Variants in SLC35F4 observed in about 807,000 individuals in gnomAD.
SLC35F4 encodes chromosome 14 open reading frame 36.
SLC35F4 carries 24 observed loss-of-function variants against 44.2 expected under a neutral mutation model. The observed-to-expected ratio is 0.54, with a 90% CI of 0.39 to 0.76. The LOEUF is 0.76. Among genes scored for constraint, SLC35F4 ranks in the 30% least tolerant of loss-of-function variants. SLC35F4 has a pLI of 0.00. For synonymous variants in SLC35F4, 238 were observed against 223.6 expected (o/e 1.06, Z -0.57); for missense variants, 562 against 586.1 (o/e 0.96, Z 0.42).
intron 1 of SLC35F4, among the ~76,000 whole-genome samples, chr14:57,701,863 C>T (rs2075550724): frequency 6.6e-6 from 1 of 152,130 alleles, no homozygotes; most frequent in African/African-American, 2.4e-5. Flanking sequence ...TGTACTTACC[C>T]ATTCTTCAGA....
chr14:57,901,436 C>T (rs1222678563), intron 1 of SLC35F4, among the ~76,000 whole-genome samples: 1 of 152,132 alleles, frequency 6.6e-6, no homozygotes, highest in Admixed American at 6.5e-5. Flanking sequence ...AACCAAACAC[C>T]ACATGTTCTC....
chr14:57,595,665 T>G (rs1566661692), intron 1 of SLC35F4: 1 of 152,246 alleles, frequency 6.6e-6, no homozygotes, highest in African/African-American at 2.4e-5. Context: ...AAACCTGCAT[T>G]GTTTATTATT....
rs528041799 is a variant in SLC35F4 at position 57,599,594 on chromosome 14, C to A, written c.104-5470G>T. 6.6e-5 allele frequency among the ~76,000 whole-genome samples: 10 copies of A among 152,096 alleles called. No individual in the cohort carries two copies. The South Asian group carries it at 2.1e-3, about 32-fold the overall frequency. On this transcript the variant is annotated intron_variant, in intron 1 of 7. Transcript: ENST00000556826. ...CGGTGGCTCACGACTGTAATCCCAG[C>A]ACTTTGGGAAGCTGAGGTAGGTGGA...
chr14:57,924,763 TCTTC>T (rs1253445773), intron 1 of SLC35F4, among the ~76,000 whole-genome samples: 48 of 151,712 alleles, frequency 3.2e-4, no homozygotes, highest in Non-Finnish European at 4.4e-4. Flanking sequence ...TTTCTTTCTT[TCTTC>T]CTTCCTTCCT....
chr14:57,922,518 G>A (rs1393020330), intron 1 of SLC35F4, among the ~76,000 whole-genome samples: 5 of 152,190 alleles, frequency 3.3e-5, no homozygotes, highest in Admixed American at 1.3e-4. Flanking sequence ...GGGCAAAGGA[G>A]GAGTCACACA....
In SLC35F4 at chr14:57,786,420, A is replaced by C. The variant is rs748185305; in HGVS notation, c.103+79303T>G. ...GTCCCTCTCCACACTACTACAGCTG[A>C]TGCTCTCTGGAAAGTGCCACCTCCT... On this transcript the variant is annotated intron_variant, in intron 1 of 7. Transcript: ENST00000556826. Among the ~76,000 whole-genome samples, 107 of 152,106 alleles carry C rather than the reference A, an allele frequency of 7.0e-4. 2 individuals are homozygous for C. Among genetic ancestry groups the C allele is most frequent in the Non-Finnish European group, 1.2e-3 (84 of 68,012 alleles).
intron 1 of SLC35F4, among the ~76,000 whole-genome samples, chr14:57,620,457 G>C (rs920146925): frequency 1.3e-5 from 2 of 152,118 alleles, no homozygotes; most frequent in African/African-American, 4.8e-5. Flanking sequence ...ATAAGCAAAA[G>C]AGAAATAAAA....
intron 1 of SLC35F4, among the ~76,000 whole-genome samples, chr14:57,624,239 G>C (rs1385015448): frequency 2.6e-5 from 4 of 152,118 alleles, no homozygotes; most frequent in Non-Finnish European, 5.9e-5. Flanking sequence ...ACCCTCTCAA[G>C]ACTAAACCAG....
chr14:57,880,059 AGG>A lies in SLC35F4; in HGVS notation n.282+101852_282+101853del, dbSNP rs1300531375. On this transcript the variant is annotated intron_variant and non_coding_transcript_variant, in intron 1 of 1. Transcript: ENST00000556568. ...GAGGAAGGAAGGAAGGAAGGAAGGA[AGG>A]AAGGAAGGAAGGAAGGAAGGAAGGA... Among the ~76,000 whole-genome samples, 10 of 93,662 alleles carry A rather than the reference AGG, an allele frequency of 1.1e-4. 1 individual carries two copies. Among genetic ancestry groups the A allele is most frequent in the African/African-American group, 4.1e-4 (10 of 24,492 alleles). 61.4% of individuals were successfully genotyped at this position (93,662 alleles called of 152,430 possible).
intron 1 of SLC35F4, among the ~76,000 whole-genome samples, chr14:57,919,691 C>A (rs1025623560): frequency 1.3e-5 from 2 of 152,098 alleles, no homozygotes; most frequent in African/African-American, 4.8e-5. Flanking sequence ...CAAGTAACTA[C>A]AACACCAAGC....
chr14:57,669,140 T>C (rs1430432316), intron 1 of SLC35F4, among the ~76,000 whole-genome samples: 1 of 152,074 alleles, frequency 6.6e-6, no homozygotes, highest in Admixed American at 6.5e-5. Context: ...TTGTCTGTTA[T>C]TGGTGTATAA....
chr14:57,793,210 C>A (rs2140815592), intron 1 of SLC35F4, among the ~76,000 whole-genome samples: 1 of 152,092 alleles, frequency 6.6e-6, no homozygotes, highest in Non-Finnish European at 1.5e-5. Flanking sequence ...AAAAATAACA[C>A]CTGCTCCACC....
At chr14:57,667,391 G>GGTTT (rs60348762) in intron 1 of SLC35F4, among the ~76,000 whole-genome samples, 2 of 150,744 alleles carry the variant, frequency 1.3e-5, no homozygotes, top group Non-Finnish European at 3.0e-5. Flanking sequence ...ACAACGTGCA[G>GGTTT]GTTACATATG....
intron 2 of SLC35F4, among the ~76,000 whole-genome samples, chr14:57,590,226 C>CAAAAAAAAAAAAAAAAAA (rs55850524): frequency 1.7e-5 from 2 of 119,178 alleles, no homozygotes; most frequent in Non-Finnish European, 3.4e-5. Flanking sequence ...CTTGTCTATG[C>CAAAAAAAAAAAAAAAAAA]AAAAAAAAAA....
chr14:57,583,071 T>G (rs986925184), intron 3 of SLC35F4, among the ~76,000 whole-genome samples: 7 of 152,226 alleles, frequency 4.6e-5, no homozygotes, highest in African/African-American at 1.7e-4. Flanking sequence ...GAAGGATTTT[T>G]GTAAAATGAA....
Position 57,917,113 on chromosome 14 carries a change from T to C in SLC35F4, n.282+64800A>G, listed in dbSNP as rs1889344712. On this transcript the variant is annotated intron_variant and non_coding_transcript_variant, in intron 1 of 1. Transcript: ENST00000556568. ...AGGCTCCCAGGCTCCCACGCTGGAGTGCAATGGTGCTCTCTCAGCTCACTG... is the reference window on the plus strand; with the variant it reads ...AGGCTCCCAGGCTCCCACGCTGGAGCGCAATGGTGCTCTCTCAGCTCACTG... Among the ~76,000 whole-genome samples the C allele has an allele frequency of 3.9e-5, 6 of 152,130 alleles. No homozygotes were observed. In the South Asian group the frequency reaches 1.2e-3, roughly 31 times the overall value.
Position 57,564,293 on chromosome 14 carries a change from T to G in SLC35F4, c.1300A>C (p.Met434Leu). ...TIIICIGFLL[M>L]LLPEEWDEIT... The stretch of plus-strand genomic sequence containing the variant: ...TCATCCCATTCCTCAGGCAACAGCA[T>G]CAGCAGAAACCCAATGCAGATGATG... The change falls in exon 8 of 8, where the codon ATG (methionine) becomes CTG (leucine). Residue 434 changes from methionine (M) to leucine (L), a missense_variant. By Grantham distance (15) the Met-to-Leu change is conservative (BLOSUM62 2). Coordinates refer to ENST00000556826, the MANE Select transcript of SLC35F4 (RefSeq NM_001306087.2). 1.2e-6 allele frequency: 2 copies of G among 1,612,838 alleles called. No individual in the cohort carries two copies. The highest frequency in any genetic ancestry group is 2.2e-5 in the East Asian group (1 of 44,814).
intron 1 of SLC35F4, among the ~76,000 whole-genome samples, chr14:57,616,169 A>G (rs893893758): frequency 1.3e-5 from 2 of 152,190 alleles, no homozygotes; most frequent in African/African-American, 4.8e-5. Flanking sequence ...CATCTCCAGA[A>G]CTTTTTCAGC....
intron 1 of SLC35F4, among the ~76,000 whole-genome samples, chr14:57,648,893 G>A (rs187303815): frequency 2.0e-5 from 3 of 152,202 alleles, no homozygotes; most frequent in Non-Finnish European, 2.9e-5. Flanking sequence ...ACTTAACTGC[G>A]TGCACTGTAT....
Sources: gnomAD v4.1 joint callset for allele counts (sites outside exome capture counted in the v4.1 genomes callset) on GRCh38, gnomAD v4.1.1 for gene constraint, MANE v1.5 for transcripts, NCBI Gene and HGNC (gene_info 2026-07-23, HGNC 2026-07-21) for gene names.